EDARADD: variants seen among roughly 807,000 people sequenced by gnomAD.
EDARADD encodes ectodysplasin-A receptor-associated adapter protein.
A neutral mutation model predicts 25.6 loss-of-function variants in EDARADD; 20 were observed. The observed-to-expected ratio is 0.78, with a 90% CI of 0.55 to 1.14. The LOEUF (loss-of-function observed/expected upper bound fraction) is 1.14, where lower values mean the gene tolerates loss of function less well. Among genes scored for constraint, EDARADD ranks in the 50% most tolerant of loss-of-function variants. The pLI is 0.00. For missense variants in EDARADD, 225 were observed against 270.1 expected, an observed-to-expected ratio of 0.83 and a Z score of 1.17; for synonymous variants, 86 against 94.4, an observed-to-expected ratio of 0.91 and a Z score of 0.52.
intron 1 of EDARADD, among the ~76,000 whole-genome samples, chr1:236,408,752 C>G (rs1667782054): frequency 6.6e-6 from 1 of 150,866 alleles, no homozygotes. Context: ...TTTCTTTTTT[C>G]TTTCTTTCTT....
chr1:236,395,576 C>T lies in EDARADD; in HGVS notation c.61+1071C>T, dbSNP rs1351339601. On this transcript the variant is annotated intron_variant, in intron 1 of 5. Transcript: ENST00000334232. This position sits in a 1 kb window ranked among gnomAD's most constrained non-coding sequence, Gnocchi z 6.9. ...CCCGTGGTCCCACGGTCCTCCCGCG[C>T]CCCGGAGGCCTGCCAGCCCCGCTCG... 8.4e-6 allele frequency: 13 copies of T among 1,545,082 alleles called. No homozygotes were observed. Among genetic ancestry groups the T allele is most frequent in the Non-Finnish European group, 1.1e-5 (13 of 1,147,594 alleles).
intron 3 of EDARADD, among the ~76,000 whole-genome samples, chr1:236,424,045 G>C (rs1466048188): frequency 6.6e-6 from 1 of 151,836 alleles, no homozygotes; most frequent in East Asian, 1.9e-4. Context: ...AATGGAGGTT[G>C]CAGTGAGCTG....
chr1:236,414,676 G>A (rs892312794), intron 3 of EDARADD, among the ~76,000 whole-genome samples: 6 of 152,204 alleles, frequency 3.9e-5, no homozygotes, highest in Non-Finnish European at 7.4e-5. Context: ...GCTCGCACCT[G>A]TAATCCCTGC....
chr1:236,382,052 G>T (rs149806314), intron 3 of EDARADD, among the ~76,000 whole-genome samples: 1 of 151,356 alleles, frequency 6.6e-6, no homozygotes, highest in African/African-American at 2.4e-5. Context: ...TTGAGCTTCT[G>T]GTCTGTGAGT....
chr1:236,414,369 C>G (rs1486199971), intron 3 of EDARADD, 70 bp downstream of exon 3: 2 of 1,273,466 alleles, frequency 1.6e-6, no homozygotes, highest in East Asian at 4.7e-5. Flanking sequence ...ACTAGTCGAC[C>G]TAATTTTTCA....
chr1:236,406,323 C>T lies in EDARADD; in HGVS notation c.62-2893C>T, dbSNP rs541131608. Among the ~76,000 whole-genome samples the T allele has an allele frequency of 5.3e-5, 8 of 152,270 alleles. No homozygotes were observed. The South Asian group carries it at 1.7e-3, about 32-fold the overall frequency. On this transcript the variant is annotated intron_variant, in intron 1 of 5. Transcript: ENST00000334232. Reference sequence around the variant, plus strand: ...ACTGGAAAACCGAATGCACGTGTGTCCGGCTGTAAGGACTCATCTGAAGCA... The same window carrying T: ...ACTGGAAAACCGAATGCACGTGTGTTCGGCTGTAAGGACTCATCTGAAGCA...
At chr1:236,452,365 T>G (rs1221310723) in intron 4 of EDARADD, among the ~76,000 whole-genome samples, 1 of 152,202 alleles carries the variant, frequency 6.6e-6, no homozygotes, top group African/African-American at 2.4e-5. Context: ...CATCTCAAAC[T>G]GTAATCCCCA....
intron 5 of EDARADD, among the ~76,000 whole-genome samples, chr1:236,473,017 T>A (rs903160027): frequency 6.6e-6 from 1 of 152,228 alleles, no homozygotes; most frequent in Non-Finnish European, 1.5e-5. Context: ...ATTTTTCATT[T>A]GATTTTCTTC....
chr1:236,449,591 C>T (rs929382617), intron 4 of EDARADD, among the ~76,000 whole-genome samples: 1 of 152,198 alleles, frequency 6.6e-6, no homozygotes, highest in East Asian at 1.9e-4. Context: ...CTTTATTATT[C>T]GTTCTGGCTA....
intron 3 of EDARADD, among the ~76,000 whole-genome samples, chr1:236,351,950 A>G (rs919847901): frequency 2.0e-5 from 3 of 151,982 alleles, no homozygotes; most frequent in South Asian, 2.1e-4. Flanking sequence ...TACACCAAAT[A>G]TGGATGTTCC....
At chr1:236,409,086 A>AT in intron 1 of EDARADD, 130 bp from the exon 2 acceptor site, 169 of 496,608 alleles carry the variant, frequency 3.4e-4, no homozygotes, top group Non-Finnish European at 4.6e-4. Context: ...AAAAAAAAAA[A>AT]AGGAGTAAGG....
intron 5 of EDARADD, among the ~76,000 whole-genome samples, chr1:236,469,831 T>G (rs775379204): frequency 6.6e-6 from 1 of 152,176 alleles, no homozygotes; most frequent in African/African-American, 2.4e-5. Flanking sequence ...TTCGCACTCT[T>G]GTTGCCTAGG....
intron 1 of EDARADD, among the ~76,000 whole-genome samples, chr1:236,402,164 A>G (rs892743267): frequency 1.3e-5 from 2 of 152,058 alleles, no homozygotes; most frequent in African/African-American, 2.4e-5. Context: ...GTTTTCCCAT[A>G]TTGGTCAGGC....
At chr1:236,356,281 T>C (rs1666974748) in intron 3 of EDARADD, among the ~76,000 whole-genome samples, 1 of 152,118 alleles carries the variant, frequency 6.6e-6, no homozygotes, top group African/African-American at 2.4e-5. Flanking sequence ...AGGGAGGAGA[T>C]GAATATTTCT....
chr1:236,440,703 T>C (rs939881923), intron 4 of EDARADD, among the ~76,000 whole-genome samples: 42 of 152,162 alleles, frequency 2.8e-4, no homozygotes, highest in African/African-American at 1.0e-3. Context: ...TCACAATATT[T>C]TGGTATTTGT....
intron 3 of EDARADD, among the ~76,000 whole-genome samples, chr1:236,367,779 G>T (rs1387132443): frequency 6.6e-6 from 1 of 152,144 alleles, no homozygotes; most frequent in Non-Finnish European, 1.5e-5. Context: ...TTTCATAACT[G>T]ACTCTAATGA....
rs146051846 is a variant in EDARADD, at chr1:236,455,124, C to T, written c.220-13107C>T. Among the ~76,000 whole-genome samples, 518 of 152,072 alleles carry T rather than the reference C, an allele frequency of 3.4e-3. 2 individuals carry two copies. The highest frequency in any genetic ancestry group is 0.011 in the African/African-American group (468 of 41,466). On this transcript the variant is annotated intron_variant, in intron 4 of 5. Coordinates refer to ENST00000334232, the MANE Select transcript of EDARADD (RefSeq NM_145861.4). ...ACTTGGGAGGCTGAAGCAGAAGAAT[C>T]GCTTAAACCCGTGAGGCGGAGGTTG...
intron 3 of EDARADD, among the ~76,000 whole-genome samples, chr1:236,384,802 C>T (rs1166627926): frequency 6.6e-6 from 1 of 152,012 alleles, no homozygotes; most frequent in Non-Finnish European, 1.5e-5. Context: ...AGCTCCTGGC[C>T]CATTTTCAGA....
intron 5 of EDARADD, 72 bp downstream of exon 5, chr1:236,468,348 G>A (rs1346830798): frequency 1.3e-6 from 2 of 1,510,440 alleles, no homozygotes; most frequent in Non-Finnish European, 1.8e-6. Context: ...TTGAGGCCAG[G>A]GTCGGTGACT....
Sources: allele counts gnomAD v4.1 joint callset (sites outside exome capture counted in the v4.1 genomes callset), GRCh38; gene constraint gnomAD v4.1.1; non-coding constraint Gnocchi (gnomAD v3.1); transcripts MANE v1.5; gene names NCBI Gene and HGNC (gene_info 2026-07-23, HGNC 2026-07-21).